The following EP400 variants were observed in gnomAD, a reference collection of about 807,000 sequenced individuals.
EP400 encodes the protein E1A-binding protein p400.
A neutral mutation model predicts 354.1 loss-of-function variants in EP400; 105 were observed. The ratio of observed to expected loss-of-function variants is 0.30; its 90% CI spans 0.25 to 0.35. The LOEUF is 0.35. EP400 is among the 10% of genes least tolerant of loss of function. The pLI, the probability that EP400 is intolerant of heterozygous loss-of-function variation, is 1.00. For synonymous variants in EP400, 1,646 were observed against 1,716.9 expected (o/e 0.96, Z 1.02); for missense variants, 3,280 against 4,121.0 (o/e 0.80, Z 5.59).
At position 132,006,866 on chromosome 12, in the gene EP400, C is replaced by G; in HGVS notation, c.3293C>G (p.Ala1098Gly). 6.2e-7 allele frequency: 1 copy of G among 1,613,948 alleles called. No individual in the cohort carries two copies. Among genetic ancestry groups the G allele is most frequent in the Non-Finnish European group, 8.5e-7 (1 of 1,180,004 alleles). ...VQIIAFFAHL[A>G]CNEGNWGPHL... ...ATCATTGCTTTTTTTGCCCACCTAG[C>G]TTGTAACGAAGGTAAGAGTTTGCTA... The change falls in exon 15 of 53, where the codon GCT (alanine) becomes GGT (glycine). Residue 1098 changes from alanine (A) to glycine (G), a missense_variant. Ala to Gly is a moderately conservative substitution (Grantham distance 60, BLOSUM62 0). Around this residue, in one of 20 missense-constraint regions of EP400, gnomAD observed 242 missense variants for 357.9 expected, o/e 0.68. Transcript: ENST00000389561.
chr12:132,028,323 T>C, intron 27 of EP400, 35 bp downstream of exon 27: 1 of 1,601,006 alleles, frequency 6.2e-7, no homozygotes, highest in Non-Finnish European at 8.5e-7. Flanking sequence ...CGGTGCTCTC[T>C]GGCTGCATTG....
At chr12:132,024,631 C>T (rs1487669313) in intron 24 of EP400, among the ~76,000 whole-genome samples, 2 of 152,138 alleles carry the variant, frequency 1.3e-5, no homozygotes, top group Admixed American at 6.5e-5. Flanking sequence ...TCATTTGCTC[C>T]CTGTGTTTTT....
intron 2 of EP400, among the ~76,000 whole-genome samples, chr12:131,969,376 A>G (rs560668423): frequency 1.3e-5 from 2 of 152,302 alleles, no homozygotes; most frequent in South Asian, 4.1e-4. Flanking sequence ...ACATACACCC[A>G]TGTAACCCAT....
At chr12:131,974,144 A>G (rs1892389084) in intron 2 of EP400, among the ~76,000 whole-genome samples, 1 of 152,008 alleles carries the variant, frequency 6.6e-6, no homozygotes, top group African/African-American at 2.4e-5. Flanking sequence ...ATGCCCAGCT[A>G]ATTTTTGTAT....
intron 12 of EP400, among the ~76,000 whole-genome samples, chr12:132,001,625 C>T (rs541394040): frequency 5.3e-4 from 81 of 152,244 alleles, no homozygotes; most frequent in African/African-American, 1.9e-3. Context: ...CTCCCTTTCC[C>T]GGTCCGCTAA....
At chr12:131,991,578 T>TTTTC in intron 10 of EP400, 122 bp downstream of exon 10, 1 of 430,184 alleles carries the variant, frequency 2.3e-6, no homozygotes, top group African/African-American at 2.1e-5. Flanking sequence ...TTTCTTTTCT[T>TTTTC]TTTTTTTTTT....
intron 12 of EP400, among the ~76,000 whole-genome samples, chr12:132,004,176 G>T (rs1893506878): frequency 6.6e-6 from 1 of 152,188 alleles, no homozygotes; most frequent in South Asian, 2.1e-4. Flanking sequence ...GAAAAATCCA[G>T]CCAGTTTATG....
In EP400 at chr12:132,028,092, C is replaced by G. The variant is rs1416225448; in HGVS notation, c.5185C>G (p.Pro1729Ala). 1 of 1,614,216 alleles carries G rather than the reference C, an allele frequency of 6.2e-7. No homozygotes were observed. Among genetic ancestry groups the G allele is most frequent in the South Asian group, 1.1e-5 (1 of 91,086 alleles). Residue 1729 changes from proline to alanine, a missense_variant, in exon 27 of 53, where the codon CCA (proline) becomes GCA (alanine). Transcript: ENST00000389561. ...LVNERRCSQAPVYGRDLLRIC... is the reference protein window; with the variant it reads ...LVNERRCSQAAVYGRDLLRIC... ...CAACGAGCGGCGCTGTTCTCAAGCT[C>G]CAGTCTATGGCAGAGACTTGCTAAG...
Position 132,044,858 on chromosome 12 carries a change from T to C in EP400, c.6689T>C (p.Met2230Thr). 1.2e-6 allele frequency: 2 copies of C among 1,614,198 alleles called. No individual in the cohort carries two copies. Among genetic ancestry groups the C allele is most frequent in the Non-Finnish European group, 1.7e-6 (2 of 1,180,032 alleles). ...DDSDIYLDSV[M>T]CLMYEATPIP... is the part of the protein sequence containing the mutation. ...AGCGACATCTACCTCGACTCGGTCA[T>C]GTGTCTCATGTATGAAGCCACTCCC... The change falls in exon 37 of 53, where the codon ATG becomes ACG. Residue 2230 changes from methionine (M) to threonine (T), a missense_variant. Met to Thr is a moderately conservative substitution (Grantham distance 81). Transcript: ENST00000389561.
At chr12:132,037,159 C>T (rs1227611114) in intron 30 of EP400, among the ~76,000 whole-genome samples, 1 of 152,122 alleles carries the variant, frequency 6.6e-6, no homozygotes, top group East Asian at 1.9e-4. Flanking sequence ...ACTGGGGGTC[C>T]GTCTGTCCAG....
In EP400 at chr12:132,050,946, C is replaced by G. The variant is rs745548999; in HGVS notation, c.7394+291C>G. 2.9e-5 allele frequency: 15 copies of G among 525,114 alleles called. No individual in the cohort carries two copies. The highest frequency in any genetic ancestry group is 4.8e-5 in the Non-Finnish European group (14 of 291,958). 32.5% of individuals were successfully genotyped at this position (525,114 alleles called of 1,614,324 possible). On this transcript the variant is annotated intron_variant, in intron 41 of 52. Transcript: ENST00000389561. This position sits in a 1 kb window ranked among gnomAD's most constrained non-coding sequence, Gnocchi z 4.8. The stretch of plus-strand genomic sequence containing the variant: ...TGTGCCAGGGCCATGTGGCCAACCA[C>G]AAGGGGCTTTCTTCCTCACACCCCA...
At chr12:131,997,605 A>G (rs932200343) in intron 12 of EP400, among the ~76,000 whole-genome samples, 20 of 152,162 alleles carry the variant, frequency 1.3e-4, no homozygotes, top group African/African-American at 4.8e-4. Context: ...TTCTTACAAC[A>G]AAGTAAGCTG....
At chr12:132,061,381 G>A (rs1895689327) in intron 45 of EP400, among the ~76,000 whole-genome samples, 1 of 152,232 alleles carries the variant, frequency 6.6e-6, no homozygotes, top group African/African-American at 2.4e-5. Flanking sequence ...TAACACGCTA[G>A]ATTTCCATCC....
In EP400 at chr12:132,054,764, T is replaced by G. The variant is rs1248429011; in HGVS notation, c.7729-210T>G. The stretch of plus-strand genomic sequence containing the variant: ...ACAGTGGGATGGAGGGTCCCTGGGG[T>G]GGAGGGACAATGGGATAGGGGTGGA... On this transcript the variant is annotated intron_variant, in intron 43 of 52. Coordinates refer to ENST00000389561, the MANE Select transcript of EP400 (RefSeq NM_015409.5). This position sits in a 1 kb window ranked among gnomAD's most constrained non-coding sequence, Gnocchi z 4.0. Among the ~76,000 whole-genome samples, 3 of 138,892 alleles carry G rather than the reference T, an allele frequency of 2.2e-5. No individual in the cohort carries two copies. The highest frequency in any genetic ancestry group is 2.8e-5 in the African/African-American group (1 of 36,108). The allele number at this position is 138,892 out of a possible 152,430, so 91.1% of individuals were successfully genotyped here.
chr12:132,050,391 G>T lies in EP400; in HGVS notation c.7269G>T (p.Gln2423His), dbSNP rs545938073. The change falls in exon 40 of 53, where the codon CAG becomes CAT. Residue 2423 changes from glutamine (Q) to histidine (H), a missense_variant. Gln to His is a conservative substitution (Grantham distance 24). Around this residue, in one of 20 missense-constraint regions of EP400, gnomAD observed 84 missense variants for 133.0 expected, o/e 0.63. Coordinates refer to ENST00000389561, the MANE Select transcript of EP400 (RefSeq NM_015409.5). The surrounding 1 kb of genome is among the most constrained non-coding windows in gnomAD (Gnocchi z 4.8). ...AGGATGAGAATGCCACACACACCCA[G>T]CTGTACACGAGCCACTTTGACTTAA... ...YAQDENATHT[Q>H]LYTSHFDLMK... is the part of the protein sequence containing the mutation. The T allele has an allele frequency of 6.2e-7, 1 of 1,614,140 alleles. No homozygotes were observed. The highest frequency in any genetic ancestry group is 8.5e-7 in the Non-Finnish European group (1 of 1,180,040).
intron 45 of EP400, among the ~76,000 whole-genome samples, chr12:132,056,385 TAG>T (rs1344435227): frequency 6.6e-6 from 1 of 151,284 alleles, no homozygotes; most frequent in Non-Finnish European, 1.5e-5. Context: ...TGGAATTGGA[TAG>T]AGAGTCCAGA....
Position 132,052,992 on chromosome 12 carries a change from C to G in EP400, c.7395-154C>G, listed in dbSNP as rs920483640. On this transcript the variant is annotated intron_variant, in intron 41 of 52. Coordinates refer to ENST00000389561, the MANE Select transcript of EP400 (RefSeq NM_015409.5). This position sits in a 1 kb window ranked among gnomAD's most constrained non-coding sequence, Gnocchi z 4.4. ...GAGGATGAGGTCTAGGTGGCTCGAT[C>G]TCCTGCAGGGCACATTGGGCACCTT... 3.3e-5 allele frequency among the ~76,000 whole-genome samples: 5 copies of G among 152,140 alleles called. No homozygotes were observed. Among genetic ancestry groups the G allele is most frequent in the African/African-American group, 1.2e-4 (5 of 41,436 alleles).
rs941993089 is a variant in EP400 at position 132,077,705 on chromosome 12, C to G, written c.*32C>G. On this transcript the variant is annotated 3_prime_UTR_variant, in exon 53 of 53. Coordinates refer to ENST00000389561, the MANE Select transcript of EP400 (RefSeq NM_015409.5). Reference sequence around the variant, plus strand: ...CAGCAGGGCTGCCTCTCATCTAAAGCAAAACTACCTTCCTCACAGAAAACG... The same window carrying G: ...CAGCAGGGCTGCCTCTCATCTAAAGGAAAACTACCTTCCTCACAGAAAACG... 26 of 1,544,846 alleles carry G rather than the reference C, an allele frequency of 1.7e-5. No homozygotes were observed. Among genetic ancestry groups the G allele is most frequent in the Non-Finnish European group, 2.3e-5 (26 of 1,149,024 alleles).
intron 19 of EP400, among the ~76,000 whole-genome samples, chr12:132,014,693 C>T (rs1215649524): frequency 6.6e-6 from 1 of 152,220 alleles, no homozygotes; most frequent in Non-Finnish European, 1.5e-5. Context: ...ACCTCAGCCT[C>T]AGCGTCCCTC....
Sources: gnomAD v4.1 joint callset for allele counts (sites outside exome capture counted in the v4.1 genomes callset) on GRCh38, gnomAD v4.1.1 for gene constraint, gnomAD v4.1.1 regional missense constraint, Gnocchi (gnomAD v3.1) non-coding constraint, MANE v1.5 for transcripts, NCBI Gene and HGNC (gene_info 2026-07-23, HGNC 2026-07-21) for gene names.